Variants in HLA-DQA1 observed in about 807,000 individuals in gnomAD.
The protein encoded by HLA-DQA1 is HLA class II histocompatibility antigen, DQ alpha 1 chain.
HLA-DQA1 carries 10 observed loss-of-function variants against 20.7 expected under a neutral mutation model. The ratio of observed to expected loss-of-function variants is 0.48; its 90% confidence interval spans 0.30 to 0.82. The LOEUF is 0.82. Among genes scored for constraint, HLA-DQA1 ranks in the 40% least tolerant of loss-of-function variants. The probability of loss-of-function intolerance (pLI) is 0.07; values close to 1 mark genes in which losing one functional copy is unlikely to be tolerated. For missense variants in HLA-DQA1, 127 were observed against 293.0 expected (o/e 0.43, Z 4.14); for synonymous variants, 39 against 109.2 (o/e 0.36, Z 4.01).
chr6:32,641,135 A>C (rs1202905929), intron 1 of HLA-DQA1, among the ~76,000 whole-genome samples, 175 bp from the exon 2 acceptor site: 1 of 118,996 alleles, frequency 8.4e-6, no homozygotes, highest in Non-Finnish European at 1.8e-5. Context: ...GTGCACTTTT[A>C]ACTGGACAAC....
Position 32,639,901 on chromosome 6 carries a change from A to C in HLA-DQA1, c.83-1409A>C, listed in dbSNP as rs116751893. On this transcript the variant is annotated intron_variant, in intron 1 of 4. Transcript: ENST00000343139. ...CCAGGGCAGTCATGCTGGATAGGGA[A>C]GAAGGTGAGCTGGAAGAGGAACAGA... 5 of 83,638 alleles carry C rather than the reference A, an allele frequency of 6.0e-5. 2 individuals carry two copies. Among genetic ancestry groups the C allele is most frequent in the African/African-American group, 2.0e-4 (5 of 24,722 alleles). The allele number at this position is 83,638 out of a possible 1,614,324, so 5.2% of individuals were successfully genotyped here.
At chr6:32,642,375 C>T (rs530423766) in intron 3 of HLA-DQA1, 122 bp downstream of exon 3, 20,760 of 447,426 alleles carry the variant, frequency 0.046, 2,550 homozygotes, top group South Asian at 0.074. Context: ...TTCTGTCTCT[C>T]TTTTTTTTTT....
At chr6:32,651,435 T>C (rs866050904), downstream of HLA-DQA1, among the ~76,000 whole-genome samples, 2 of 80,926 alleles carry the variant, frequency 2.5e-5, 1 homozygote, top group South Asian at 8.4e-4. Flanking sequence ...GTACAAAAAA[T>C]TAGCCGGGCA....
At chr6:32,650,205 T>C (rs1782122078), downstream of HLA-DQA1, among the ~76,000 whole-genome samples, 2 of 97,302 alleles carry the variant, frequency 2.1e-5, 1 homozygote, top group African/African-American at 7.1e-5. Flanking sequence ...CAACAGATGC[T>C]GGAGAGGATG....
chr6:32,641,648 C>G (rs4457200), intron 2 of HLA-DQA1, 90 bp downstream of exon 2: 63,896 of 710,660 alleles, frequency 0.09, 19,455 homozygotes, highest in Middle Eastern at 0.15. Context: ...CCCAGATCTT[C>G]TTATGGCAAT....
chr6:32,651,691 C>A (rs1782197288), downstream of HLA-DQA1, among the ~76,000 whole-genome samples: 1 of 89,686 alleles, frequency 1.1e-5, no homozygotes, highest in East Asian at 3.5e-4. Context: ...GCTAGAGAGA[C>A]CAACAGAGAA....
At chr6:32,651,072 T>A (rs1266860202), downstream of HLA-DQA1, among the ~76,000 whole-genome samples, 3 of 82,598 alleles carry the variant, frequency 3.6e-5, 1 homozygote, top group Admixed American at 1.5e-4. Flanking sequence ...GTATTTTTAG[T>A]AGAGACGGGG....
At chr6:32,641,085 A>C in intron 1 of HLA-DQA1, among the ~76,000 whole-genome samples, 1 of 114,342 alleles carries the variant, frequency 8.7e-6, no homozygotes, top group Admixed American at 1.0e-4. Context: ...GACATGCGAT[A>C]TTCTGCCCTT....
intron 1 of HLA-DQA1, 61 bp from the exon 2 acceptor site, chr6:32,641,249 T>G: frequency 9.5e-7 from 1 of 1,050,262 alleles, no homozygotes; most frequent in Non-Finnish European, 1.4e-6. Flanking sequence ...CATCATTTTG[T>G]GTATTAAGGT....
chr6:32,651,704 T>A (rs1384117970), downstream of HLA-DQA1, among the ~76,000 whole-genome samples: 2 of 88,520 alleles, frequency 2.3e-5, 1 homozygote. Context: ...ACAGAGAAGA[T>A]GAAGGGAGAA....
chr6:32,641,158 G>T, intron 1 of HLA-DQA1, 152 bp from the exon 2 acceptor site: 1 of 530,096 alleles, frequency 1.9e-6, no homozygotes, highest in East Asian at 4.0e-5. Flanking sequence ...CCAACATGAA[G>T]AGGGGAGGAA....
intron 1 of HLA-DQA1, among the ~76,000 whole-genome samples, chr6:32,640,168 T>G (rs9272619): frequency 0.056 from 4,629 of 81,934 alleles, 504 homozygotes; most frequent in East Asian, 0.13. Context: ...GCAGATACTT[T>G]TGAAGGATGT....
intron 3 of HLA-DQA1, 106 bp from the exon 4 acceptor site, chr6:32,642,504 C>T (rs9272777): frequency 0.54 from 426,735 of 793,570 alleles, 153,482 homozygotes; most frequent in East Asian, 0.72. Context: ...CTCCCTAAGC[C>T]TGGGGCCTTG....
At chr6:32,647,623 C>T (rs17843573), downstream of HLA-DQA1, among the ~76,000 whole-genome samples, 86,138 of 151,552 alleles carry the variant, frequency 0.57, 24,729 homozygotes, top group Middle Eastern at 0.7. Context: ...TTTTTAGGCT[C>T]TTCTCATTTT....
chr6:32,642,544 T>TGGG (rs1781522834), intron 3 of HLA-DQA1, 66 bp from the exon 4 acceptor site: 1 of 1,303,336 alleles, frequency 7.7e-7, no homozygotes, highest in East Asian at 2.4e-5. Context: ...CTCTACCCCA[T>TGGG]CCCATCCCAC....
At chr6:32,644,981 G>T (rs1781794605), downstream of HLA-DQA1, 1 of 123,554 alleles carries the variant, frequency 8.1e-6, no homozygotes, top group Admixed American at 8.6e-5. Context: ...CAGGAAATCT[G>T]AACCAGTGAT....
chr6:32,638,274 A>G lies in HLA-DQA1; in HGVS notation c.82+734A>G, dbSNP rs1290490709. On this transcript the variant is annotated intron_variant, in intron 1 of 4. Transcript: ENST00000343139. The stretch of plus-strand genomic sequence containing the variant: ...CTTTAGCAAAATAAGGGATCATTTT[A>G]TTTTAAAATTGAGAAGTAGAAAAAA... 2.5e-5 allele frequency among the ~76,000 whole-genome samples: 3 copies of G among 118,350 alleles called. 1 individual carries two copies. Among genetic ancestry groups the G allele is most frequent in the African/African-American group, 9.2e-5 (3 of 32,516 alleles). 77.6% of individuals were successfully genotyped at this position (118,350 alleles called of 152,430 possible). A position where few individuals can be genotyped will look rare whatever the true frequency, so the allele number is the denominator to read the frequency against.
the HLA-DQA1 span, among the ~76,000 whole-genome samples, chr6:32,652,963 C>T: frequency 0.34 from 39,062 of 113,500 alleles, 6,331 homozygotes; most frequent in Middle Eastern, 0.5. Context: ...AGAGTTGGCC[C>T]AAATTAGGGA....
intron 1 of HLA-DQA1, among the ~76,000 whole-genome samples, chr6:32,641,008 T>C (rs28383426): frequency 0.011 from 1,109 of 103,520 alleles, 19 homozygotes; most frequent in Non-Finnish European, 0.014. Context: ...ATTCCTTCTT[T>C]TGTTCAATTA....
Sources: allele counts gnomAD v4.1 joint callset (sites outside exome capture counted in the v4.1 genomes callset), GRCh38; gene constraint gnomAD v4.1.1; transcripts MANE v1.5; gene names NCBI Gene and HGNC (gene_info 2026-07-23, HGNC 2026-07-21).